The following ALK variants were observed in gnomAD, a reference collection of about 807,000 sequenced individuals.
ALK encodes the protein ALK receptor tyrosine kinase.
In ALK, 74 loss-of-function variants were observed where a neutral mutation model predicts 163.1. The observed-to-expected ratio is 0.45, with a 90% CI of 0.38 to 0.55. The LOEUF is 0.55. Ranked by LOEUF, ALK falls within the 20% of genes least tolerant of loss-of-function variation. The pLI, the probability that ALK is intolerant of heterozygous loss-of-function variation, is 0.00. For missense variants in ALK, 2,063 were observed against 2,105.3 expected, an observed-to-expected ratio of 0.98 and a Z score of 0.39; for synonymous variants, 960 against 843.2, an observed-to-expected ratio of 1.14 and a Z score of -2.40.
At chr2:29,598,730 T>C (rs1675286748) in intron 3 of ALK, among the ~76,000 whole-genome samples, 2 of 152,212 alleles carry the variant, frequency 1.3e-5, no homozygotes, top group Admixed American at 6.5e-5. Flanking sequence ...AAAATATTAA[T>C]ATTGATTAAA....
intron 23 of ALK, among the ~76,000 whole-genome samples, chr2:29,219,151 A>G (rs1669716621): frequency 6.6e-6 from 1 of 152,154 alleles, no homozygotes; most frequent in African/African-American, 2.4e-5. Context: ...GGTGGTGTTG[A>G]GAAATGTGAA....
intron 23 of ALK, among the ~76,000 whole-genome samples, chr2:29,216,946 GCATGTGA>G (rs796558772): frequency 2.0e-4 from 10 of 50,108 alleles, no homozygotes; most frequent in South Asian, 1.0e-3. Context: ...TGTGTGTGTG[GCATGTGA>G]TGTGTGTGTG....
intron 4 of ALK, among the ~76,000 whole-genome samples, chr2:29,472,726 C>T (rs1367278038): frequency 2.0e-5 from 3 of 151,996 alleles, no homozygotes; most frequent in African/African-American, 7.3e-5. Context: ...TTTTTAAATA[C>T]TAGTCACAAA....
chr2:29,576,149 A>G (rs1674519663), intron 3 of ALK, among the ~76,000 whole-genome samples: 1 of 152,214 alleles, frequency 6.6e-6, no homozygotes, highest in African/African-American at 2.4e-5. Flanking sequence ...AGTGAAACAG[A>G]GACACATTTT....
chr2:29,219,056 T>G (rs1327471153), intron 23 of ALK, among the ~76,000 whole-genome samples: 1 of 152,218 alleles, frequency 6.6e-6, no homozygotes, highest in Non-Finnish European at 1.5e-5. Context: ...ACTTCCTGTG[T>G]GGCCATGGCA....
At chr2:29,555,388 C>T (rs1673824325) in intron 3 of ALK, among the ~76,000 whole-genome samples, 1 of 152,008 alleles carries the variant, frequency 6.6e-6, no homozygotes. Flanking sequence ...TTTTTGAGGA[C>T]CTCAGGCTGG....
intron 4 of ALK, among the ~76,000 whole-genome samples, chr2:29,501,704 A>C (rs1242795371): frequency 6.6e-6 from 1 of 152,202 alleles, no homozygotes; most frequent in African/African-American, 2.4e-5. Context: ...CCATAACATA[A>C]AATATACCAG....
At chr2:29,723,349 G>T (rs146359681) in intron 1 of ALK, among the ~76,000 whole-genome samples, 1 of 152,256 alleles carries the variant, frequency 6.6e-6, no homozygotes, top group Non-Finnish European at 1.5e-5. Flanking sequence ...CTCTGTCCAG[G>T]TCCCTGTCCA....
chr2:29,716,931 T>C (rs1679273316), intron 2 of ALK, among the ~76,000 whole-genome samples: 2 of 135,588 alleles, frequency 1.5e-5, no homozygotes, highest in African/African-American at 2.8e-5. Flanking sequence ...GATCACGAGG[T>C]CAGGAGATCA....
chr2:29,413,815 G>C (rs1013072660), intron 4 of ALK, among the ~76,000 whole-genome samples: 2 of 152,150 alleles, frequency 1.3e-5, no homozygotes, highest in African/African-American at 2.4e-5. Flanking sequence ...TTACAGGCTT[G>C]AGGCACCTCA....
intron 13 of ALK, among the ~76,000 whole-genome samples, chr2:29,235,522 A>G (rs931109038): frequency 1.3e-5 from 2 of 152,030 alleles, no homozygotes; most frequent in Non-Finnish European, 2.9e-5. Flanking sequence ...CATTTCCCAT[A>G]TGTATGTGCA....
At chr2:29,917,904 T>C (rs572705364) in intron 1 of ALK, among the ~76,000 whole-genome samples, 18 of 152,336 alleles carry the variant, frequency 1.2e-4, no homozygotes, top group African/African-American at 2.9e-4. Flanking sequence ...TCAGCATTGC[T>C]AGATGTGTCA....
chr2:29,354,767 CTTTT>C (rs763001304), intron 5 of ALK, among the ~76,000 whole-genome samples: 1 of 138,486 alleles, frequency 7.2e-6, no homozygotes, highest in African/African-American at 2.6e-5. Context: ...TTTTCTTTTT[CTTTT>C]TTTTTTTTTT....
intron 2 of ALK, among the ~76,000 whole-genome samples, chr2:29,711,727 AAAG>A (rs1679107892): frequency 6.6e-6 from 1 of 152,120 alleles, no homozygotes; most frequent in Non-Finnish European, 1.5e-5. Flanking sequence ...TCAACGGGAA[AAAG>A]AATAAATGAA....
At chr2:29,740,945 T>G (rs1680041470) in intron 1 of ALK, among the ~76,000 whole-genome samples, 1 of 152,092 alleles carries the variant, frequency 6.6e-6, no homozygotes, top group Non-Finnish European at 1.5e-5. Context: ...GAGGTTGCAG[T>G]GAGCAGTGAT....
rs751920643 is a variant in ALK, at chr2:29,920,197, C to T, written c.463G>A (p.Val155Ile). 6.2e-7 allele frequency: 1 copy of T among 1,613,440 alleles called. No homozygotes were observed. The highest frequency in any genetic ancestry group is 8.5e-7 in the Non-Finnish European group (1 of 1,180,004). ...LGEEAILEGC[V>I]GPPGEAAVGL... is the part of the protein sequence containing the mutation. ...ACAGCCGCCTCCCCGGGGGGCCCGACGCAACCCTCCAAGATCGCCTCCTCG... is the reference window on the plus strand; with the variant it reads ...ACAGCCGCCTCCCCGGGGGGCCCGATGCAACCCTCCAAGATCGCCTCCTCG... Residue 155 changes from valine (V) to isoleucine (I), a missense_variant, in exon 1 of 29, where the codon GTC becomes ATC. This residue lies in a region of ALK where 987 missense variants were observed against 939.5 expected (regional missense o/e 1.05). Transcript: ENST00000389048.
rs1303286005 is a variant in ALK, at chr2:29,564,508, C to T, written c.953-32392G>A. On this transcript the variant is annotated intron_variant, in intron 3 of 28. Transcript: ENST00000389048. ...TATTTTGAGACCTTGTGGCAAAACG[C>T]CATCTCCTAGAAGATTTCCTGTCGC... 1.2e-4 allele frequency among the ~76,000 whole-genome samples: 18 copies of T among 152,054 alleles called. 1 individual carries two copies. Among genetic ancestry groups the T allele is most frequent in the Non-Finnish European group, 2.4e-4 (16 of 68,030 alleles).
intron 1 of ALK, among the ~76,000 whole-genome samples, chr2:29,891,254 CT>C (rs1667137090): frequency 6.6e-6 from 1 of 152,156 alleles, no homozygotes; most frequent in Admixed American, 6.5e-5. Context: ...GGCTCATCTT[CT>C]TCAAGAGTGT....
chr2:29,747,984 G>A (rs1286587977), intron 1 of ALK, among the ~76,000 whole-genome samples: 2 of 152,208 alleles, frequency 1.3e-5, no homozygotes, highest in Non-Finnish European at 2.9e-5. Flanking sequence ...AATGAGTCAT[G>A]TGAATCCTAA....
Sources: allele counts gnomAD v4.1 joint callset (sites outside exome capture counted in the v4.1 genomes callset), GRCh38; gene constraint gnomAD v4.1.1; regional missense constraint gnomAD v4.1.1; transcripts MANE v1.5; gene names NCBI Gene and HGNC (gene_info 2026-07-23, HGNC 2026-07-21).